HNRNPD: variants seen among roughly 807,000 people sequenced by gnomAD.
HNRNPD encodes heterogeneous nuclear ribonucleoprotein D0.
A neutral mutation model predicts 47.9 loss-of-function variants in HNRNPD; 3 were observed. The ratio of observed to expected loss-of-function variants is 0.06; its 90% CI spans 0.03 to 0.16. The LOEUF (loss-of-function observed/expected upper bound fraction) is 0.16, where lower values mean the gene tolerates loss of function less well. Ranked by LOEUF, HNRNPD falls within the 10% of genes least tolerant of loss-of-function variation. The pLI, the probability that HNRNPD is intolerant of heterozygous loss-of-function variation, is 1.00. For synonymous variants in HNRNPD, 171 were observed against 165.1 expected (o/e 1.04, Z -0.28); for missense variants, 287 against 454.2 (o/e 0.63, Z 3.35).
chr4:82,364,985 G>A (rs1051861773), intron 2 of HNRNPD, among the ~76,000 whole-genome samples: 1 of 152,020 alleles, frequency 6.6e-6, no homozygotes, highest in African/African-American at 2.4e-5. Context: ...CCTTATTCAA[G>A]GTAAAAAGTT....
rs1213372002 is a variant in HNRNPD, at chr4:82,373,392, A to C, written c.233+54T>G. On this transcript the variant is annotated intron_variant, in intron 1 of 8. Transcript: ENST00000313899. ...ACCAGGCCTAATGGCGGGGGAATAAAGAGGGGGAGGGGGACTAGTTGGGCC... is the reference window on the plus strand; with the variant it reads ...ACCAGGCCTAATGGCGGGGGAATAACGAGGGGGAGGGGGACTAGTTGGGCC... The C allele has an allele frequency of 3.4e-6, 5 of 1,476,464 alleles. No homozygotes were observed. The Admixed American group carries it at 1.1e-4, about 34-fold the overall frequency. 91.5% of individuals were successfully genotyped at this position (1,476,464 alleles called of 1,614,324 possible). A position where few individuals can be genotyped will look rare whatever the true frequency, so the allele number is the denominator to read the frequency against.
At chr4:82,372,563 AAAGT>A (rs1336509620) in intron 1 of HNRNPD, among the ~76,000 whole-genome samples, 9 of 152,176 alleles carry the variant, frequency 5.9e-5, no homozygotes, top group Admixed American at 4.6e-4. Context: ...TTGCACATAA[AAAGT>A]AAGGTACAAT....
Position 82,373,437 on chromosome 4 carries a change from C to G in HNRNPD, c.233+9G>C, listed in dbSNP as rs377739391. 4.1e-5 allele frequency: 65 copies of G among 1,572,872 alleles called. No homozygotes were observed. The highest frequency in any genetic ancestry group is 5.6e-5 in the Non-Finnish European group (65 of 1,157,768). On this transcript the variant is annotated intron_variant, in intron 1 of 8. Coordinates refer to ENST00000313899, the MANE Select transcript of HNRNPD (RefSeq NM_031370.3). ...TGGGCCTGACTATCCTGGGATGCCC[C>G]TTACTCACCCTTCATCCTCCTCGTT...
At chr4:82,361,034 A>C (rs1719390388) in intron 2 of HNRNPD, among the ~76,000 whole-genome samples, 1 of 152,188 alleles carries the variant, frequency 6.6e-6, no homozygotes, top group South Asian at 2.1e-4. Flanking sequence ...ACTTCCTCAA[A>C]GTTTCCAGGC....
In HNRNPD at chr4:82,352,871, G is replaced by C. The variant is rs767323261; in HGVS notation, c.*1314C>G. 4 of 152,164 alleles carry C rather than the reference G, an allele frequency of 2.6e-5. No individual in the cohort carries two copies. Among genetic ancestry groups the C allele is most frequent in the Non-Finnish European group, 5.9e-5 (4 of 68,038 alleles). 9.4% of individuals were successfully genotyped at this position (152,164 alleles called of 1,614,324 possible). On this transcript the variant is annotated 3_prime_UTR_variant, in exon 9 of 9. Coordinates refer to ENST00000313899, the MANE Select transcript of HNRNPD (RefSeq NM_031370.3). ...GGAGGTCAAATTCTTAGCATCAGAT[G>C]TAACTCCACAAAAGTAAGAAAGGTA...
chr4:82,368,183 A>G (rs1719857756), intron 2 of HNRNPD, among the ~76,000 whole-genome samples: 1 of 152,222 alleles, frequency 6.6e-6, no homozygotes, highest in Admixed American at 6.5e-5. Flanking sequence ...GCTTTCAAGC[A>G]TGGTATGTAT....
At chr4:82,367,590 G>C (rs1234210832) in intron 2 of HNRNPD, among the ~76,000 whole-genome samples, 1 of 152,140 alleles carries the variant, frequency 6.6e-6, no homozygotes, top group Non-Finnish European at 1.5e-5. Context: ...TGGGGAGACA[G>C]ACTTCCTGGC....
At chr4:82,364,699 G>C (rs1719666504) in intron 2 of HNRNPD, among the ~76,000 whole-genome samples, 1 of 152,110 alleles carries the variant, frequency 6.6e-6, no homozygotes, top group Non-Finnish European at 1.5e-5. Context: ...TTTCAACTAA[G>C]ACCCTTTAAA....
At chr4:82,371,964 C>T (rs1720066830) in intron 1 of HNRNPD, among the ~76,000 whole-genome samples, 1 of 152,162 alleles carries the variant, frequency 6.6e-6, no homozygotes, top group Non-Finnish European at 1.5e-5. Flanking sequence ...TATCATCAAA[C>T]AGCCTGACAA....
intron 1 of HNRNPD, chr4:82,373,040 C>T (rs767533206): frequency 5.7e-4 from 249 of 434,764 alleles, no homozygotes; most frequent in Non-Finnish European, 1.1e-3. Context: ...AACAGAGAAG[C>T]TGTTTGTGTC....
intron 4 of HNRNPD, 39 bp from the exon 5 acceptor site, chr4:82,357,483 T>C: frequency 1.3e-6 from 2 of 1,556,930 alleles, no homozygotes; most frequent in Non-Finnish European, 1.7e-6. Flanking sequence ...CTAACATGCA[T>C]TTTATTGACC....
At chr4:82,361,792 CA>C (rs879458379) in intron 2 of HNRNPD, among the ~76,000 whole-genome samples, 5 of 152,180 alleles carry the variant, frequency 3.3e-5, no homozygotes, top group Non-Finnish European at 7.3e-5. Flanking sequence ...ATCACCTAAG[CA>C]TATCATCAGC....
At chr4:82,363,061 T>C (rs1719562315) in intron 2 of HNRNPD, among the ~76,000 whole-genome samples, 1 of 151,628 alleles carries the variant, frequency 6.6e-6, no homozygotes, top group African/African-American at 2.4e-5. Flanking sequence ...TATATATATA[T>C]ATATACATTT....
chr4:82,356,518 T>C lies in HNRNPD; in HGVS notation c.1000+19A>G. On this transcript the variant is annotated intron_variant, in intron 7 of 8. Coordinates refer to ENST00000313899, the MANE Select transcript of HNRNPD (RefSeq NM_031370.3). ...AATAAATGTCAAATAGCAGTTAATA[T>C]AAAAAGTATAGTACTTACTGCTATA... 6.4e-7 allele frequency: 1 copy of C among 1,569,392 alleles called. No homozygotes were observed. Among genetic ancestry groups the C allele is most frequent in the Non-Finnish European group, 8.7e-7 (1 of 1,144,606 alleles).
At chr4:82,357,530 C>A in intron 4 of HNRNPD, 86 bp from the exon 5 acceptor site, 2 of 1,128,370 alleles carry the variant, frequency 1.8e-6, no homozygotes, top group South Asian at 1.7e-5. Context: ...GGAAAACACA[C>A]AAAGAAAACA....
chr4:82,361,338 T>A (rs1395233780), intron 2 of HNRNPD, among the ~76,000 whole-genome samples: 2 of 152,212 alleles, frequency 1.3e-5, no homozygotes, highest in East Asian at 1.9e-4. Flanking sequence ...GTACACTATA[T>A]TTTTAATGAG....
At chr4:82,357,288 A>G (rs1560433624) in intron 5 of HNRNPD, 25 bp downstream of exon 5, 1 of 1,592,000 alleles carries the variant, frequency 6.3e-7, no homozygotes, top group Non-Finnish European at 8.5e-7. Context: ...AGTTTTCTCT[A>G]CAAGTAAATG....
chr4:82,365,286 T>C (rs1266997804), intron 2 of HNRNPD, among the ~76,000 whole-genome samples: 1 of 152,220 alleles, frequency 6.6e-6, no homozygotes, highest in Non-Finnish European at 1.5e-5. Flanking sequence ...CAACCTGATA[T>C]ACATTTCAGG....
At chr4:82,355,047 C>T (rs1723657615) in intron 8 of HNRNPD, 1 of 463,008 alleles carries the variant, frequency 2.2e-6, no homozygotes, top group Non-Finnish European at 3.8e-6. Flanking sequence ...GTAGGCAATA[C>T]TTTTTTGCTG....
Sources: allele counts gnomAD v4.1 joint callset (sites outside exome capture counted in the v4.1 genomes callset), GRCh38; gene constraint gnomAD v4.1.1; transcripts MANE v1.5; gene names NCBI Gene and HGNC (gene_info 2026-07-23, HGNC 2026-07-21).